The following SAMD3 variants were observed in gnomAD, a reference collection of about 807,000 sequenced individuals.
SAMD3 encodes the protein sterile alpha motif domain containing 3.
Under a neutral mutation model 58.5 loss-of-function variants are expected in SAMD3, and 63 were observed. That is an observed-to-expected ratio of 1.08 (90% CI 0.88 to 1.33). The LOEUF is 1.33. SAMD3 is among the 40% of genes most tolerant of loss of function. SAMD3 has a pLI of 0.00. For missense variants in SAMD3, 604 were observed against 608.4 expected, an observed-to-expected ratio of 0.99 and a Z score of 0.08; for synonymous variants, 220 against 210.3, an observed-to-expected ratio of 1.05 and a Z score of -0.40.
At chr6:130,359,575 T>C (rs560758208) in intron 1 of SAMD3, among the ~76,000 whole-genome samples, 1 of 152,338 alleles carries the variant, frequency 6.6e-6, no homozygotes, top group Non-Finnish European at 1.5e-5. Context: ...ATCCTTATTT[T>C]ATATCACCAT....
chr6:130,202,035 C>T (rs1318559943), intron 5 of SAMD3, among the ~76,000 whole-genome samples: 1 of 152,186 alleles, frequency 6.6e-6, no homozygotes, highest in Non-Finnish European at 1.5e-5. Context: ...TACATAGTAC[C>T]TAGCCCATGG....
chr6:130,269,503 A>ACAAT (rs1774482362), intron 2 of SAMD3, among the ~76,000 whole-genome samples: 1 of 151,966 alleles, frequency 6.6e-6, no homozygotes, highest in African/African-American at 2.4e-5. Context: ...ACGAACATAA[A>ACAAT]GTTGTTTGTA....
upstream of SAMD3, among the ~76,000 whole-genome samples, chr6:130,226,268 G>C (rs1006401821): frequency 2.0e-5 from 3 of 152,138 alleles, no homozygotes; most frequent in East Asian, 5.8e-4. Context: ...CCTAATATAA[G>C]AACAAGGGGT....
intron 2 of SAMD3, among the ~76,000 whole-genome samples, chr6:130,240,085 G>A (rs1396536915): frequency 6.6e-6 from 1 of 152,216 alleles, no homozygotes; most frequent in East Asian, 1.9e-4. Context: ...AACCCATGCT[G>A]CACATGTTAT....
intron 8 of SAMD3, chr6:130,162,291 G>A (rs548764601): frequency 1.9e-5 from 13 of 701,574 alleles, no homozygotes; most frequent in Admixed American, 4.0e-5. Flanking sequence ...GCAGAAATAA[G>A]GAGGAGAATA....
intron 8 of SAMD3, among the ~76,000 whole-genome samples, chr6:130,155,381 A>C (rs1482096338): frequency 6.6e-6 from 1 of 152,188 alleles, no homozygotes; most frequent in Non-Finnish European, 1.5e-5. Flanking sequence ...ATATTTTTAA[A>C]AGTATTAAGG....
At chr6:130,147,212 T>C (rs550930156) in intron 9 of SAMD3, among the ~76,000 whole-genome samples, 52 of 152,312 alleles carry the variant, frequency 3.4e-4, no homozygotes, top group Admixed American at 7.8e-4. Context: ...TTCCTAAAAC[T>C]ATAAAGAACA....
intron 5 of SAMD3, among the ~76,000 whole-genome samples, chr6:130,191,478 G>A (rs1200598118): frequency 1.3e-5 from 2 of 152,198 alleles, no homozygotes; most frequent in Non-Finnish European, 2.9e-5. Context: ...TGGAGCTATT[G>A]AGTGTTTGGC....
intron 1 of SAMD3, among the ~76,000 whole-genome samples, chr6:130,349,128 A>G (rs1777562775): frequency 6.6e-6 from 1 of 152,252 alleles, no homozygotes; most frequent in South Asian, 2.1e-4. Flanking sequence ...AGAAAGCAGG[A>G]AAGATCTAAA....
At chr6:130,152,798 C>T (rs1025664302) in intron 9 of SAMD3, among the ~76,000 whole-genome samples, 1 of 152,108 alleles carries the variant, frequency 6.6e-6, no homozygotes, top group African/African-American at 2.4e-5. Context: ...AGGAATGGTG[C>T]GGAAGATACA....
chr6:130,230,829 G>A (rs1189668647), intron 2 of SAMD3, among the ~76,000 whole-genome samples: 1 of 152,160 alleles, frequency 6.6e-6, no homozygotes, highest in Non-Finnish European at 1.5e-5. Context: ...ACATCTTGTA[G>A]TCAACATAAA....
At chr6:130,319,615 C>CA (rs1776514435) in intron 1 of SAMD3, among the ~76,000 whole-genome samples, 2 of 151,980 alleles carry the variant, frequency 1.3e-5, no homozygotes, top group African/African-American at 2.4e-5. Flanking sequence ...CCCTGCCCTA[C>CA]AAAAAATGTT....
At chr6:130,356,768 T>A (rs146777946) in intron 1 of SAMD3, among the ~76,000 whole-genome samples, 1 of 152,230 alleles carries the variant, frequency 6.6e-6, no homozygotes. Context: ...CAATCTTTTG[T>A]TCTTTTCTGG....
At chr6:130,283,543 G>T (rs1443699779) in intron 2 of SAMD3, among the ~76,000 whole-genome samples, 2 of 152,100 alleles carry the variant, frequency 1.3e-5, no homozygotes, top group African/African-American at 2.4e-5. Context: ...AAATTATGCT[G>T]TCACATGCTT....
At chr6:130,237,948 AC>A (rs1307442329) in intron 2 of SAMD3, among the ~76,000 whole-genome samples, 2 of 152,216 alleles carry the variant, frequency 1.3e-5, no homozygotes, top group Non-Finnish European at 1.5e-5. Flanking sequence ...ACATAAAAAA[AC>A]GATAAATGCT....
At chr6:130,218,931 G>A (rs1278531217) in intron 1 of SAMD3, among the ~76,000 whole-genome samples, 1 of 152,148 alleles carries the variant, frequency 6.6e-6, no homozygotes, top group Non-Finnish European at 1.5e-5. Context: ...GGCTTAGAAT[G>A]TTAAGAGTTT....
intron 8 of SAMD3, chr6:130,159,769 G>A (rs974241525): frequency 2.0e-5 from 3 of 152,026 alleles, no homozygotes; most frequent in Admixed American, 1.3e-4. Flanking sequence ...GTAGAATACA[G>A]AATATACAAA....
intron 1 of SAMD3, among the ~76,000 whole-genome samples, chr6:130,355,041 G>A (rs957227085): frequency 2.0e-5 from 3 of 152,220 alleles, no homozygotes; most frequent in Non-Finnish European, 2.9e-5. Context: ...AATCAGTGAT[G>A]TGTAGGTTTC....
rs377190166 is a variant in SAMD3, at chr6:130,215,294, C to G, written c.-21G>C. The G allele has an allele frequency of 9.0e-6, 14 of 1,556,844 alleles. 1 individual carries two copies. The highest frequency in any genetic ancestry group is 1.2e-5 in the Non-Finnish European group (14 of 1,145,364). ...TCCATTGCTGTCTCCTGTAAATACACCTGTAGAGCAAAAGGTCAGAGAATT... is the reference window on the plus strand; with the variant it reads ...TCCATTGCTGTCTCCTGTAAATACAGCTGTAGAGCAAAAGGTCAGAGAATT... On this transcript the variant is annotated splice_region_variant and 5_prime_UTR_variant, in exon 3 of 12. Coordinates refer to ENST00000439090, the MANE Select transcript of SAMD3 (RefSeq NM_001017373.4).
Sources: allele counts gnomAD v4.1 joint callset (sites outside exome capture counted in the v4.1 genomes callset), GRCh38; gene constraint gnomAD v4.1.1; transcripts MANE v1.5; gene names NCBI Gene and HGNC (gene_info 2026-07-23, HGNC 2026-07-21).